Variants in HGSNAT observed in about 807,000 individuals in gnomAD.
The protein encoded by HGSNAT is transmembrane protein 76.
HGSNAT carries 59 observed loss-of-function variants against 85.2 expected under a neutral mutation model. The observed-to-expected ratio is 0.69, with a 90% CI of 0.56 to 0.86. The LOEUF is 0.86. Among genes scored for constraint, HGSNAT ranks in the 40% least tolerant of loss-of-function variants. HGSNAT has a pLI of 0.00. For missense variants in HGSNAT, 756 were observed against 777.1 expected (o/e 0.97, Z 0.32); for synonymous variants, 321 against 304.5 (o/e 1.05, Z -0.56).
At chr8:43,191,922 A>G (rs1423344838) in intron 12 of HGSNAT, among the ~76,000 whole-genome samples, 1 of 151,030 alleles carries the variant, frequency 6.6e-6, no homozygotes, top group Non-Finnish European at 1.5e-5. Flanking sequence ...GCCAATATAA[A>G]CCATGTTTTT....
At chr8:43,150,500 G>T (rs1802871152) in intron 2 of HGSNAT, among the ~76,000 whole-genome samples, 1 of 151,392 alleles carries the variant, frequency 6.6e-6, no homozygotes, top group Non-Finnish European at 1.5e-5. Context: ...ATACAATGTG[G>T]AAAATACATA....
chr8:43,192,421 A>G lies in HGSNAT; in HGVS notation c.1368A>G (p.Pro456=), dbSNP rs1411732379. 3.1e-6 allele frequency: 5 copies of G among 1,610,786 alleles called. No individual in the cohort carries two copies. The South Asian group carries it at 5.5e-5, about 18-fold the overall frequency. ...GAGACGATCACCTTTACCAGCACCC[A>G]TCTTCTGCTGTGAGTGAGACTCGAG... ...LLGDDHLYQH[P]SSAVLYHTEV... Residue 456 remains proline, a synonymous_variant, in exon 13 of 18, where the codon CCA becomes CCG. Coordinates refer to ENST00000379644, the MANE Select transcript of HGSNAT (RefSeq NM_152419.3).
intron 14 of HGSNAT, chr8:43,196,533 C>G: frequency 7.7e-7 from 1 of 1,290,418 alleles, no homozygotes; most frequent in Non-Finnish European, 1.0e-6. Context: ...GCCACGGAGC[C>G]TGCCCAGGTG....
intron 4 of HGSNAT, among the ~76,000 whole-genome samples, chr8:43,160,255 A>G (rs2130718966): frequency 6.6e-6 from 1 of 152,322 alleles, no homozygotes. Flanking sequence ...GTCCCTGTTG[A>G]GGGAAAATTC....
At chr8:43,157,331 C>G (rs1326491580) in intron 2 of HGSNAT, among the ~76,000 whole-genome samples, 1 of 151,734 alleles carries the variant, frequency 6.6e-6, no homozygotes, top group Non-Finnish European at 1.5e-5. Flanking sequence ...TTTTAAAATC[C>G]TAGTAAAGCT....
At chr8:43,172,132 T>C (rs1176379522) in intron 7 of HGSNAT, among the ~76,000 whole-genome samples, 178 bp from the exon 8 acceptor site, 1 of 152,252 alleles carries the variant, frequency 6.6e-6, no homozygotes, top group African/African-American at 2.4e-5. Flanking sequence ...TGGTCCTAAT[T>C]GCGATGACTA....
intron 9 of HGSNAT, 70 bp downstream of exon 9, chr8:43,173,813 G>A: frequency 6.6e-7 from 1 of 1,508,582 alleles, no homozygotes; most frequent in Non-Finnish European, 9.1e-7. Context: ...GATGATGCTG[G>A]AGCCTCTCTT....
chr8:43,166,847 C>T (rs917418222), intron 5 of HGSNAT, among the ~76,000 whole-genome samples: 2 of 152,184 alleles, frequency 1.3e-5, no homozygotes, highest in African/African-American at 4.8e-5. Context: ...TGAAAACCTT[C>T]TGGAAAGGAT....
At chr8:43,165,691 C>T (rs979478812) in intron 5 of HGSNAT, among the ~76,000 whole-genome samples, 1 of 152,200 alleles carries the variant, frequency 6.6e-6, no homozygotes, top group Non-Finnish European at 1.5e-5. Flanking sequence ...AATCCCAGCA[C>T]TTTGGGAGCC....
intron 15 of HGSNAT, chr8:43,197,426 G>C (rs1259724318): frequency 2.3e-5 from 13 of 562,316 alleles, no homozygotes; most frequent in Admixed American, 9.6e-5. Flanking sequence ...CTCCTCTTCA[G>C]AGTCACTGTC....
intron 1 of HGSNAT, among the ~76,000 whole-genome samples, chr8:43,143,279 T>C (rs770521217): frequency 2.6e-5 from 4 of 152,176 alleles, no homozygotes; most frequent in Non-Finnish European, 4.4e-5. Context: ...AATCACAAAT[T>C]CAAAACTAAA....
intron 2 of HGSNAT, among the ~76,000 whole-genome samples, chr8:43,150,834 A>AAAATAAAT (rs144266684): frequency 1.8e-3 from 261 of 147,178 alleles, no homozygotes; most frequent in African/African-American, 6.3e-3. Context: ...ACTCCGTTTC[A>AAAATAAAT]AAATAAATAA....
At chr8:43,187,946 T>G (rs919580535) in intron 11 of HGSNAT, among the ~76,000 whole-genome samples, 9 of 152,236 alleles carry the variant, frequency 5.9e-5, no homozygotes, top group Non-Finnish European at 1.3e-4. Flanking sequence ...AAAATCCTTT[T>G]CTTTAAGAAT....
chr8:43,173,839 G>A, intron 9 of HGSNAT, 96 bp downstream of exon 9: 1 of 1,318,096 alleles, frequency 7.6e-7, no homozygotes, highest in Admixed American at 2.0e-5. Flanking sequence ...ACGGGCATGT[G>A]TTATGTGGTT....
intron 7 of HGSNAT, 70 bp from the exon 8 acceptor site, chr8:43,172,240 T>A: frequency 2.0e-6 from 2 of 1,012,028 alleles, no homozygotes; most frequent in Admixed American, 3.4e-5. Flanking sequence ...AGTATAAATG[T>A]GTCTTCAGTT....
chr8:43,183,274 C>G (rs1300524488), intron 11 of HGSNAT, among the ~76,000 whole-genome samples: 1 of 152,058 alleles, frequency 6.6e-6, no homozygotes, highest in Admixed American at 6.5e-5. Flanking sequence ...TCAAGCGATT[C>G]TCCTACCTCA....
Position 43,147,015 on chromosome 8 carries a change from T to A in HGSNAT, c.186T>A (p.Leu62=). The change falls in exon 2 of 18, where the codon CTT becomes CTA. Residue 62 remains leucine, a synonymous_variant. Coordinates refer to ENST00000379644, the MANE Select transcript of HGSNAT (RefSeq NM_152419.3). ...CTTTGCTACTCATCCATAATGAACT[T>A]CTCTGGACCAACTTGACCGTCTACT... ...DQALLLIHNE[L]LWTNLTVYWK... The A allele has an allele frequency of 1.9e-6, 3 of 1,609,760 alleles. No homozygotes were observed. Among genetic ancestry groups the A allele is most frequent in the Admixed American group, 1.7e-5 (1 of 59,146 alleles).
At position 43,181,982 on chromosome 8, in the gene HGSNAT, G is replaced by C. The variant is rs775072625; in HGVS notation, c.1013-163G>C. 46 of 654,394 alleles carry C rather than the reference G, an allele frequency of 7.0e-5. 2 individuals carry two copies. The highest frequency in any genetic ancestry group is 1.3e-4 in the Non-Finnish European group (46 of 366,258). The allele number at this position is 654,394 out of a possible 1,614,324, so 40.5% of individuals were successfully genotyped here. On this transcript the variant is annotated intron_variant, in intron 10 of 17. Coordinates refer to ENST00000379644, the MANE Select transcript of HGSNAT (RefSeq NM_152419.3). The stretch of plus-strand genomic sequence containing the variant: ...GGCCTGTTTTTGGAAGCTGGGCTGA[G>C]CCCATGTCTCTTGACCGTATATATT...
rs1272271498 is a variant in HGSNAT, at chr8:43,193,783, T to C, written c.1404T>C (p.Tyr468=). Residue 468 remains tyrosine (Y), a synonymous_variant, in exon 14 of 18, where the codon TAT becomes TAC. Coordinates refer to ENST00000379644, the MANE Select transcript of HGSNAT (RefSeq NM_152419.3). ...TACTTTACCACACCGAGGTGGCCTATGACCCCGAGGGCATCCTGGGCACCA... is the reference window on the plus strand; with the variant it reads ...TACTTTACCACACCGAGGTGGCCTACGACCCCGAGGGCATCCTGGGCACCA... ...SAVLYHTEVA[Y]DPEGILGTIN... 11 of 1,613,800 alleles carry C rather than the reference T, an allele frequency of 6.8e-6. No homozygotes were observed. Among genetic ancestry groups the C allele is most frequent in the Non-Finnish European group, 9.3e-6 (11 of 1,179,728 alleles).
Sources: allele counts gnomAD v4.1 joint callset (sites outside exome capture counted in the v4.1 genomes callset), GRCh38; gene constraint gnomAD v4.1.1; transcripts MANE v1.5; gene names NCBI Gene and HGNC (gene_info 2026-07-23, HGNC 2026-07-21).